Variants in SLIT3 observed in about 807,000 individuals in gnomAD.
SLIT3 encodes slit guidance ligand 3, also known as slit homolog 3 protein.
SLIT3 carries 68 observed loss-of-function variants against 184.0 expected under a neutral mutation model. That is an observed-to-expected ratio of 0.37 (90% CI 0.30 to 0.45). SLIT3 has a LOEUF of 0.45. Among genes scored for constraint, SLIT3 ranks in the 20% least tolerant of loss-of-function variants. The pLI, the probability that SLIT3 is intolerant of heterozygous loss-of-function variation, is 1.00. For synonymous variants in SLIT3, 831 were observed against 828.6 expected, an observed-to-expected ratio of 1.00 and a Z score of -0.05; for missense variants, 1,707 against 2,026.0, an observed-to-expected ratio of 0.84 and a Z score of 3.02.
intron 5 of SLIT3, among the ~76,000 whole-genome samples, chr5:168,851,135 C>A (rs922127970): frequency 2.0e-5 from 3 of 152,022 alleles, no homozygotes; most frequent in Admixed American, 1.3e-4. Context: ...CATCCTGGCT[C>A]ACACGGTGAA....
chr5:168,843,484 C>T (rs553541791), intron 6 of SLIT3, among the ~76,000 whole-genome samples: 2 of 152,300 alleles, frequency 1.3e-5, no homozygotes, highest in East Asian at 1.9e-4. Flanking sequence ...TGGCTAGAAT[C>T]GTACCATGGG....
At chr5:169,035,020 G>A (rs965908090) in intron 4 of SLIT3, among the ~76,000 whole-genome samples, 7 of 151,308 alleles carry the variant, frequency 4.6e-5, no homozygotes, top group African/African-American at 4.9e-5. Context: ...GAGCTCAAGC[G>A]ATCTGCCCAC....
At chr5:169,003,615 T>G (rs1483082161) in intron 4 of SLIT3, among the ~76,000 whole-genome samples, 2 of 152,196 alleles carry the variant, frequency 1.3e-5, no homozygotes, top group Non-Finnish European at 2.9e-5. Context: ...GTGCCTAGTC[T>G]CCCAGACTTT....
chr5:169,262,403 A>G (rs1015530602), intron 1 of SLIT3, among the ~76,000 whole-genome samples: 18 of 152,262 alleles, frequency 1.2e-4, no homozygotes, highest in Non-Finnish European at 2.6e-4. Context: ...CTAGAAGGAA[A>G]AGAAGGATCC....
At chr5:169,110,771 G>A (rs1055098471) in intron 4 of SLIT3, among the ~76,000 whole-genome samples, 4 of 152,070 alleles carry the variant, frequency 2.6e-5, no homozygotes, top group African/African-American at 7.2e-5. Context: ...GCTTCCTAAC[G>A]GGTCTCCCAT....
Position 168,817,442 on chromosome 5 carries a change from C to G in SLIT3, c.651G>C (p.Leu217=), listed in dbSNP as rs4867964. 191,655 of 1,613,998 alleles carry G rather than the reference C, an allele frequency of 0.12. 12,657 individuals are homozygous for G. The highest frequency in any genetic ancestry group is 0.26 in the African/African-American group (19,536 of 74,984). The stretch of plus-strand genomic sequence containing the variant: ...GCCAGGCCAGGTGGCAGTCGCAGTA[C>G]AGGTGGTTGGAGTGGAGGCGCCTGG... ...IRTLRLHSNH[L]YCDCHLAWLS... The change falls in exon 8 of 36, where the codon CTG becomes CTC. Residue 217 remains leucine (L), a synonymous_variant. Coordinates refer to ENST00000519560, the MANE Select transcript of SLIT3 (RefSeq NM_003062.4).
rs991796089 is a variant in SLIT3 at position 169,224,665 on chromosome 5, G to A, written c.341+20040C>T. On this transcript the variant is annotated intron_variant, in intron 3 of 35. Transcript: ENST00000519560. ...TTACAGACATGAGCCACTGCACTCAGCCAGGCCCATTTTAAAAATTATTAT... is the reference window on the plus strand; with the variant it reads ...TTACAGACATGAGCCACTGCACTCAACCAGGCCCATTTTAAAAATTATTAT... Among the ~76,000 whole-genome samples, 6 of 151,978 alleles carry A rather than the reference G, an allele frequency of 3.9e-5. No individual in the cohort carries two copies. The East Asian group carries it at 1.2e-3, about 29-fold the overall frequency.
chr5:169,175,083 T>C (rs1343944412), intron 4 of SLIT3, among the ~76,000 whole-genome samples: 1 of 152,142 alleles, frequency 6.6e-6, no homozygotes, highest in Non-Finnish European at 1.5e-5. Context: ...AGGAATACCA[T>C]AGACAATGAA....
intron 4 of SLIT3, among the ~76,000 whole-genome samples, chr5:168,952,528 CAAAAA>C (rs372134778): frequency 0.027 from 2,133 of 77,888 alleles, 59 homozygotes; most frequent in East Asian, 0.15. Context: ...GGGAAAATGC[CAAAAA>C]AAAAAAAAAA....
At chr5:168,774,579 ACT>A (rs1278263564) in intron 12 of SLIT3, among the ~76,000 whole-genome samples, 1 of 152,144 alleles carries the variant, frequency 6.6e-6, no homozygotes, top group African/African-American at 2.4e-5. Flanking sequence ...ACCTGCACAC[ACT>A]GTCACTACAG....
At chr5:168,933,229 G>A (rs1762049512) in intron 4 of SLIT3, among the ~76,000 whole-genome samples, 1 of 152,196 alleles carries the variant, frequency 6.6e-6, no homozygotes, top group Admixed American at 6.5e-5. Context: ...TTTCTGATCA[G>A]CATCTCTGCT....
chr5:169,073,264 G>A (rs187068491), intron 4 of SLIT3, among the ~76,000 whole-genome samples: 51 of 152,230 alleles, frequency 3.4e-4, no homozygotes, highest in African/African-American at 1.1e-3. Flanking sequence ...AAGAGTAAGA[G>A]GACAATCCTT....
intron 5 of SLIT3, among the ~76,000 whole-genome samples, chr5:168,850,912 C>G (rs1410065080): frequency 6.6e-6 from 1 of 152,200 alleles, no homozygotes; most frequent in Admixed American, 6.5e-5. Flanking sequence ...TTTTACACAT[C>G]GCTGGGAAAT....
At chr5:168,791,990 A>G (rs1756389794) in intron 10 of SLIT3, 1 of 152,188 alleles carries the variant, frequency 6.6e-6, no homozygotes, top group Non-Finnish European at 1.5e-5. Flanking sequence ...AAGTGAGAAC[A>G]TTTGGCAAAC....
chr5:168,866,495 T>A (rs1309725174), intron 5 of SLIT3, among the ~76,000 whole-genome samples: 2 of 152,100 alleles, frequency 1.3e-5, no homozygotes, highest in Non-Finnish European at 2.9e-5. Context: ...CCATCACCTA[T>A]CTCATCTCCA....
rs368543687 is a variant in SLIT3, at chr5:168,865,459, C to T, written c.485+17806G>A. 9.2e-5 allele frequency among the ~76,000 whole-genome samples: 14 copies of T among 152,290 alleles called. No individual in the cohort carries two copies. The South Asian group carries it at 1.0e-3, about 11-fold the overall frequency. On this transcript the variant is annotated intron_variant, in intron 5 of 35. Transcript: ENST00000519560. ...ACACAGGGTGAATTTCAAAATACTA[C>T]GCTAAGTGAAAGATGTTAGCTACAT...
intron 4 of SLIT3, among the ~76,000 whole-genome samples, chr5:169,167,431 C>T (rs7733409): frequency 5.3e-5 from 8 of 150,660 alleles, no homozygotes; most frequent in Admixed American, 2.6e-4. Flanking sequence ...CCCACCACCA[C>T]ACCTGGCTAA....
At chr5:169,138,641 G>A (rs531196778) in intron 4 of SLIT3, among the ~76,000 whole-genome samples, 41 of 152,162 alleles carry the variant, frequency 2.7e-4, no homozygotes, top group Non-Finnish European at 4.6e-4. Context: ...AAGTTCCCAC[G>A]TTGCAACTGC....
Position 168,957,739 on chromosome 5 carries a change from G to T in SLIT3, c.414-74403C>A, listed in dbSNP as rs78731914. On this transcript the variant is annotated intron_variant, in intron 4 of 35. Coordinates refer to ENST00000519560, the MANE Select transcript of SLIT3 (RefSeq NM_003062.4). ...GTGTGTGTTTTTAACAAGCTCCTCC[G>T]GTGATTCTGTTGCACCCTCCACTGT... Among the ~76,000 whole-genome samples, 1,440 of 151,210 alleles carry T rather than the reference G, an allele frequency of 9.5e-3. 23 individuals are homozygous for T. The highest frequency in any genetic ancestry group is 0.034 in the African/African-American group (1,378 of 40,942).
Sources: gnomAD v4.1 joint callset for allele counts (sites outside exome capture counted in the v4.1 genomes callset) on GRCh38, gnomAD v4.1.1 for gene constraint, MANE v1.5 for transcripts, NCBI Gene and HGNC (gene_info 2026-07-23, HGNC 2026-07-21) for gene names.